Variants in KIAA1549 observed in about 807,000 individuals in gnomAD.
KIAA1549 encodes the protein UPF0606 protein KIAA1549.
In KIAA1549, 70 loss-of-function variants were observed where a neutral mutation model predicts 156.4. The ratio of observed to expected loss-of-function variants is 0.45; its 90% confidence interval spans 0.37 to 0.55. The LOEUF is 0.55. Ranked by LOEUF, KIAA1549 falls within the 20% of genes least tolerant of loss-of-function variation. The pLI, the probability that KIAA1549 is intolerant of heterozygous loss-of-function variation, is 0.00. For synonymous variants in KIAA1549, 1,103 were observed against 1,066.4 expected (o/e 1.03, Z -0.67); for missense variants, 2,428 against 2,540.9 (o/e 0.96, Z 0.96).
chr7:138,914,032 G>A (rs1812245153), intron 2 of KIAA1549, among the ~76,000 whole-genome samples: 1 of 144,928 alleles, frequency 6.9e-6, no homozygotes, highest in Admixed American at 6.9e-5. Flanking sequence ...GAAAGGAAGG[G>A]AGGAAGGCAG....
intron 17 of KIAA1549, among the ~76,000 whole-genome samples, chr7:138,846,405 C>T (rs919259115): frequency 2.0e-5 from 3 of 151,788 alleles, no homozygotes; most frequent in East Asian, 1.9e-4. Flanking sequence ...CGTGGTGGCG[C>T]GCACAAGTAA....
At chr7:138,897,793 T>A (rs1212593546) in intron 9 of KIAA1549, among the ~76,000 whole-genome samples, 1 of 145,126 alleles carries the variant, frequency 6.9e-6, no homozygotes, top group Non-Finnish European at 1.5e-5. Flanking sequence ...CTCAGGAGGC[T>A]GAGGCAGGAG....
At chr7:138,920,047 T>C (rs73478176) in intron 1 of KIAA1549, among the ~76,000 whole-genome samples, 27,638 of 151,984 alleles carry the variant, frequency 0.18, 3,636 homozygotes, top group African/African-American at 0.37. Flanking sequence ...AGCCTCAGCT[T>C]TCACCATTTC....
intron 13 of KIAA1549, among the ~76,000 whole-genome samples, chr7:138,870,660 A>G (rs192240398): frequency 1.1e-3 from 161 of 152,276 alleles, no homozygotes; most frequent in Non-Finnish European, 1.8e-3. Flanking sequence ...ATGTCTGCCA[A>G]TGCGCCCCAG....
intron 16 of KIAA1549, among the ~76,000 whole-genome samples, chr7:138,855,487 G>GGATGGATTTAA (rs1164991150): frequency 6.6e-6 from 1 of 152,172 alleles, no homozygotes; most frequent in Non-Finnish European, 1.5e-5. Flanking sequence ...GTCATGGTGT[G>GGATGGATTTAA]GATGGATTTA....
chr7:138,925,270 T>C (rs1170382920), intron 1 of KIAA1549, among the ~76,000 whole-genome samples: 3 of 152,098 alleles, frequency 2.0e-5, no homozygotes, highest in Non-Finnish European at 4.4e-5. Context: ...TTTTAAGTCA[T>C]GTTTTTCTAT....
Position 138,874,564 on chromosome 7 carries a change from A to C in KIAA1549, c.4346-3202T>G, listed in dbSNP as rs1001692549. ...TGGATGACATTAAGTAAAATAGGCC[A>C]GGCACAGAAGGATAAACACTGCACT... On this transcript the variant is annotated intron_variant, in intron 12 of 19. Coordinates refer to ENST00000422774, the MANE Select transcript of KIAA1549 (RefSeq NM_001164665.2). 3.3e-5 allele frequency among the ~76,000 whole-genome samples: 5 copies of C among 152,354 alleles called. No homozygotes were observed. In the East Asian group the frequency reaches 9.6e-4, roughly 29 times the overall value.
intron 17 of KIAA1549, among the ~76,000 whole-genome samples, chr7:138,847,266 T>G (rs989930874): frequency 3.3e-5 from 5 of 152,206 alleles, no homozygotes; most frequent in African/African-American, 7.2e-5. Flanking sequence ...CTATTAATAA[T>G]GGGACTAACT....
At chr7:138,916,504 C>G (rs1383213026) in intron 2 of KIAA1549, among the ~76,000 whole-genome samples, 1 of 152,210 alleles carries the variant, frequency 6.6e-6, no homozygotes, top group Non-Finnish European at 1.5e-5. Context: ...TACATCTGAA[C>G]AACAGCCCAA....
intron 1 of KIAA1549, among the ~76,000 whole-genome samples, chr7:138,975,427 AG>A (rs59432350): frequency 0.037 from 5,590 of 152,240 alleles, 362 homozygotes; most frequent in African/African-American, 0.13. Context: ...TAACAGAAAA[AG>A]GACAGATGCT....
At chr7:138,898,861 C>T (rs1055140764) in intron 9 of KIAA1549, 94 bp downstream of exon 9, 87 of 1,091,214 alleles carry the variant, frequency 8.0e-5, no homozygotes, top group Admixed American at 1.3e-4. Flanking sequence ...ATACACACAT[C>T]GGAATGCTTT....
intron 7 of KIAA1549, among the ~76,000 whole-genome samples, 178 bp downstream of exon 7, chr7:138,904,844 C>T (rs1473806577): frequency 1.3e-5 from 2 of 152,174 alleles, no homozygotes; most frequent in African/African-American, 4.8e-5. Context: ...TGTTCTATAA[C>T]TCAGTGGGAT....
At position 138,919,189 on chromosome 7, in the gene KIAA1549, G is replaced by T; in HGVS notation, c.437C>A (p.Thr146Lys). 1 of 1,613,924 alleles carries T rather than the reference G, an allele frequency of 6.2e-7. No individual in the cohort carries two copies. The highest frequency in any genetic ancestry group is 8.5e-7 in the Non-Finnish European group (1 of 1,179,894). Residue 146 changes from threonine to lysine, a missense_variant, in exon 2 of 20, where the codon ACG becomes AAG. By Grantham distance (78) the Thr-to-Lys change is moderately conservative. Around this residue, in one of 5 missense-constraint regions of KIAA1549, gnomAD observed 893 missense variants for 847.9 expected, o/e 1.05. Coordinates refer to ENST00000422774, the MANE Select transcript of KIAA1549 (RefSeq NM_001164665.2). ...GTCATTGACGGCCACCTCTTTACTC[G>T]TCACTGACACGTAAGTTGCCACAAA... is the stretch of plus-strand genomic sequence containing the variant. ...SIFVATYVSV[T>K]SKEVAVNDDE...
rs141955516 is a variant in KIAA1549, at chr7:138,871,395, G to A, written c.4346-33C>T. 1.5e-3 allele frequency: 2,272 copies of A among 1,480,864 alleles called. 1 individual carries two copies. Among genetic ancestry groups the A allele is most frequent in the Non-Finnish European group, 1.8e-3 (2,002 of 1,111,252 alleles). 91.7% of individuals were successfully genotyped at this position (1,480,864 alleles called of 1,614,324 possible). ...AGAAGGAAAAGCAAAACACATACACGAAGTCATCTAAAGAAACAGCAACTA... is the reference window on the plus strand; with the variant it reads ...AGAAGGAAAAGCAAAACACATACACAAAGTCATCTAAAGAAACAGCAACTA... On this transcript the variant is annotated intron_variant, in intron 12 of 19. Coordinates refer to ENST00000422774, the MANE Select transcript of KIAA1549 (RefSeq NM_001164665.2).
At chr7:138,838,294 T>C (rs1446196549) in intron 19 of KIAA1549, 134 bp from the exon 20 acceptor site, 1 of 878,546 alleles carries the variant, frequency 1.1e-6, no homozygotes, top group African/African-American at 1.7e-5. Flanking sequence ...AGGGCCCTGC[T>C]GCCTATGCTG....
chr7:138,869,218 GC>G (rs1810846667), intron 14 of KIAA1549, among the ~76,000 whole-genome samples: 2 of 152,178 alleles, frequency 1.3e-5, no homozygotes, highest in Non-Finnish European at 2.9e-5. Flanking sequence ...AAGGGTGAGT[GC>G]AGTTTTAGAC....
At chr7:138,866,661 G>A (rs1003048276) in intron 15 of KIAA1549, among the ~76,000 whole-genome samples, 5 of 152,184 alleles carry the variant, frequency 3.3e-5, no homozygotes, top group African/African-American at 1.2e-4. Context: ...CTTTGTGTCT[G>A]TATTTCTCAT....
chr7:138,865,212 G>A (rs1810702375), intron 15 of KIAA1549, among the ~76,000 whole-genome samples: 1 of 151,914 alleles, frequency 6.6e-6, no homozygotes, highest in African/African-American at 2.4e-5. Context: ...CTGGGCAACA[G>A]AGCTGGAGTG....
chr7:138,903,178 T>G (rs899925242), intron 8 of KIAA1549, among the ~76,000 whole-genome samples: 7 of 152,210 alleles, frequency 4.6e-5, no homozygotes, highest in African/African-American at 1.7e-4. Context: ...TCCCTCTATC[T>G]GCTCTCCTAT....
Sources: allele counts gnomAD v4.1 joint callset (sites outside exome capture counted in the v4.1 genomes callset), GRCh38; gene constraint gnomAD v4.1.1; regional missense constraint gnomAD v4.1.1; transcripts MANE v1.5; gene names NCBI Gene and HGNC (gene_info 2026-07-23, HGNC 2026-07-21).